EVC2: variants seen among roughly 807,000 people sequenced by gnomAD.
EVC2 encodes limbin.
EVC2 carries 148 observed loss-of-function variants against 149.3 expected under a neutral mutation model. That is an observed-to-expected ratio of 0.99 (90% CI 0.87 to 1.14). EVC2 has a LOEUF of 1.14. Among genes scored for constraint, EVC2 ranks in the 50% most tolerant of loss-of-function variants. The pLI is 0.00. For missense variants in EVC2, 1,854 were observed against 1,627.3 expected, an observed-to-expected ratio of 1.14 and a Z score of -2.40; for synonymous variants, 776 against 649.9, an observed-to-expected ratio of 1.19 and a Z score of -2.95.
chr4:5,607,320 A>AT (rs1206479623), intron 16 of EVC2, among the ~76,000 whole-genome samples: 2 of 152,334 alleles, frequency 1.3e-5, no homozygotes, highest in African/African-American at 4.8e-5. Context: ...AATATTCTAC[A>AT]TTTTTTGATA....
At chr4:5,602,150 G>A (rs1714030498) in intron 16 of EVC2, among the ~76,000 whole-genome samples, 1 of 151,716 alleles carries the variant, frequency 6.6e-6, no homozygotes, top group Non-Finnish European at 1.5e-5. Flanking sequence ...AAATTAGTAG[G>A]GTAGTGCATG....
rs765076649 is a variant in EVC2 at position 5,615,453 on chromosome 4, TCA to T, written c.2796_2797del (p.Cys932Ter). On this transcript the variant is annotated stop_gained and frameshift_variant, in exon 16 of 22. Coordinates refer to ENST00000344408, the MANE Select transcript of EVC2 (RefSeq NM_147127.5). LOFTEE classifies it high-confidence loss of function. ...CACCAGGTCTTCAGAGGCCTGTTCCTCACAGAGGTGAATTTTGTCTTCGATGC... is the reference window on the plus strand; with the variant it reads ...CACCAGGTCTTCAGAGGCCTGTTCCTCAGAGGTGAATTTTGTCTTCGATGC... 6.2e-7 allele frequency: 1 copy of T among 1,614,208 alleles called. No individual in the cohort carries two copies. Among genetic ancestry groups the T allele is most frequent in the Non-Finnish European group, 8.5e-7 (1 of 1,180,036 alleles).
chr4:5,651,870 C>A (rs1718168260), intron 9 of EVC2, among the ~76,000 whole-genome samples: 1 of 152,186 alleles, frequency 6.6e-6, no homozygotes, highest in Non-Finnish European at 1.5e-5. Flanking sequence ...ATTTGTCTCC[C>A]TAAAATTTCC....
chr4:5,653,953 C>T (rs920221689), intron 9 of EVC2, among the ~76,000 whole-genome samples: 2 of 152,192 alleles, frequency 1.3e-5, no homozygotes, highest in Non-Finnish European at 1.5e-5. Context: ...GTGGTTCATG[C>T]CTGTAATCCC....
At chr4:5,536,529 A>T in the EVC2 span, among the ~76,000 whole-genome samples, 1 of 152,192 alleles carries the variant, frequency 6.6e-6, no homozygotes, top group Admixed American at 6.5e-5. Flanking sequence ...TCACACCTGT[A>T]ATCCTAGCAC....
intron 1 of EVC2, among the ~76,000 whole-genome samples, chr4:5,698,397 G>C (rs1208083203): frequency 6.6e-6 from 1 of 152,132 alleles, no homozygotes; most frequent in Non-Finnish European, 1.5e-5. Flanking sequence ...TTTATTCACT[G>C]TGTGTCCTTG....
intron 7 of EVC2, among the ~76,000 whole-genome samples, chr4:5,672,845 A>G (rs2151715446): frequency 6.6e-6 from 1 of 152,354 alleles, no homozygotes; most frequent in South Asian, 2.1e-4. Flanking sequence ...TGCATGCTAC[A>G]ACATGGAGGA....
intron 6 of EVC2, among the ~76,000 whole-genome samples, chr4:5,683,427 C>T (rs928795012): frequency 6.6e-6 from 1 of 152,184 alleles, no homozygotes; most frequent in Non-Finnish European, 1.5e-5. Flanking sequence ...CATGCAGTTA[C>T]GTTTTTTAGT....
At chr4:5,638,355 C>T (rs890115580) in intron 10 of EVC2, among the ~76,000 whole-genome samples, 2 of 151,032 alleles carry the variant, frequency 1.3e-5, no homozygotes, top group African/African-American at 4.9e-5. Context: ...CACCACTGCA[C>T]TGCGATCTGG....
At chr4:5,660,100 A>T (rs1256339673) in intron 9 of EVC2, among the ~76,000 whole-genome samples, 1 of 152,186 alleles carries the variant, frequency 6.6e-6, no homozygotes, top group East Asian at 1.9e-4. Context: ...CAAGGTGGCA[A>T]ATTTTAATTT....
downstream of EVC2, among the ~76,000 whole-genome samples, chr4:5,560,916 C>T (rs1208604278): frequency 6.6e-6 from 1 of 152,272 alleles, no homozygotes; most frequent in South Asian, 2.1e-4. The surrounding 1 kb of genome is among the most constrained non-coding windows in gnomAD (Gnocchi z 4.1). Context: ...TTCCCCAACA[C>T]ATCTTGGCAT....
Position 5,579,195 on chromosome 4 carries a change from G to A in EVC2, c.3058-2741C>T, listed in dbSNP as rs114681335. Among the ~76,000 whole-genome samples the A allele has an allele frequency of 9.5e-3, 1,453 of 152,212 alleles. 15 individuals are homozygous for A. Among genetic ancestry groups the A allele is most frequent in the African/African-American group, 0.026 (1,091 of 41,542 alleles). ...CTAGAGTAGGGAGAAAGGGAGGTAG[G>A]CAGAAATTGAGTTTAGGACAGGAAC... On this transcript the variant is annotated intron_variant, in intron 17 of 21. Coordinates refer to ENST00000344408, the MANE Select transcript of EVC2 (RefSeq NM_147127.5).
chr4:5,566,312 G>C (rs1046867579), intron 20 of EVC2, among the ~76,000 whole-genome samples: 3 of 152,178 alleles, frequency 2.0e-5, no homozygotes, highest in African/African-American at 7.2e-5. Context: ...AGGTGGTGGT[G>C]GAGATGGAGC....
At chr4:5,643,259 T>C (rs1717471957) in intron 9 of EVC2, among the ~76,000 whole-genome samples, 1 of 152,224 alleles carries the variant, frequency 6.6e-6, no homozygotes, top group Non-Finnish European at 1.5e-5. Context: ...ACGTGAAGGA[T>C]GGCATCCCTG....
At chr4:5,672,587 C>A (rs1212213893) in intron 7 of EVC2, among the ~76,000 whole-genome samples, 4 of 152,154 alleles carry the variant, frequency 2.6e-5, no homozygotes, top group Admixed American at 2.6e-4. Context: ...CCTTTCCACA[C>A]TGTGGGAGGC....
Position 5,637,143 on chromosome 4 carries a change from G to C in EVC2, c.1470+3371C>G, listed in dbSNP as rs940002031. On this transcript the variant is annotated intron_variant, in intron 10 of 21. Transcript: ENST00000344408. This position sits in a 1 kb window ranked among gnomAD's most constrained non-coding sequence, Gnocchi z 4.4. ...GAGAGGGACTGCGTGACAGATGGGA[G>C]TAGGGCACCGACCCAGCATCCTATC... Among the ~76,000 whole-genome samples the C allele has an allele frequency of 6.6e-6, 1 of 152,190 alleles. No individual in the cohort carries two copies. Among genetic ancestry groups the C allele is most frequent in the African/African-American group, 2.4e-5 (1 of 41,448 alleles).
At chr4:5,610,913 C>T (rs149706904) in intron 16 of EVC2, among the ~76,000 whole-genome samples, 3 of 150,308 alleles carry the variant, frequency 2.0e-5, no homozygotes, top group South Asian at 2.1e-4. Flanking sequence ...TCCAAATGGA[C>T]GTGGCTTTGA....
At chr4:5,543,146 C>G (rs1291917199) in exon 22 of EVC2, 1 of 1,289,692 alleles carries the variant, frequency 7.8e-7, no homozygotes, top group Non-Finnish European at 1.0e-6. Flanking sequence ...TTTCAGACAT[C>G]CACTCAATTA....
At chr4:5,556,506 A>G (rs762704579) in intron 21 of EVC2, among the ~76,000 whole-genome samples, 15 of 152,104 alleles carry the variant, frequency 9.9e-5, no homozygotes, top group Non-Finnish European at 2.2e-4. Flanking sequence ...CCTAAAATTA[A>G]TAATCTAAAC....
Sources: gnomAD v4.1 joint callset for allele counts (sites outside exome capture counted in the v4.1 genomes callset) on GRCh38, gnomAD v4.1.1 for gene constraint, Gnocchi (gnomAD v3.1) non-coding constraint, MANE v1.5 for transcripts, NCBI Gene and HGNC (gene_info 2026-07-23, HGNC 2026-07-21) for gene names.